The following OSBP2 variants were observed in gnomAD, a reference collection of about 807,000 sequenced individuals.
OSBP2 encodes oxysterol-binding protein 2.
OSBP2 carries 66 observed loss-of-function variants against 96.0 expected under a neutral mutation model. The observed-to-expected ratio is 0.69, with a 90% CI of 0.56 to 0.84. OSBP2 has a LOEUF of 0.84. Among genes scored for constraint, OSBP2 ranks in the 40% least tolerant of loss-of-function variants. The pLI is 0.00. For synonymous variants in OSBP2, 525 were observed against 520.9 expected (o/e 1.01, Z -0.11); for missense variants, 1,038 against 1,222.7 (o/e 0.85, Z 2.25).
intron 1 of OSBP2, 139 bp from the exon 2 acceptor site, chr22:30,741,022 C>A: frequency 1.5e-6 from 1 of 675,490 alleles, no homozygotes; most frequent in Non-Finnish European, 2.6e-6. Context: ...TTCCAATAGG[C>A]ATCATCTCCC....
chr22:30,699,692 T>C (rs889086348), intron 1 of OSBP2, among the ~76,000 whole-genome samples: 2 of 152,314 alleles, frequency 1.3e-5, no homozygotes, highest in Admixed American at 6.5e-5. Context: ...GGATTAAAAT[T>C]TCTCCTTTCA....
At chr22:30,694,183 A>G (rs1012823305), upstream of OSBP2, 76 of 1,550,248 alleles carry the variant, frequency 4.9e-5, no homozygotes, top group African/African-American at 9.2e-4. Flanking sequence ...CTTGGTTTAC[A>G]AAAAGTCTTC....
intron 1 of OSBP2, among the ~76,000 whole-genome samples, chr22:30,735,675 C>T (rs767088876): frequency 2.6e-5 from 4 of 151,942 alleles, no homozygotes; most frequent in Non-Finnish European, 5.9e-5. Flanking sequence ...ATATTAAATA[C>T]TTTTCATATT....
chr22:30,770,147 T>C (rs1225061131), intron 2 of OSBP2, among the ~76,000 whole-genome samples: 2 of 148,802 alleles, frequency 1.3e-5, no homozygotes, highest in East Asian at 3.9e-4. Flanking sequence ...TTGCCCAGGC[T>C]GGAGTACAGT....
At chr22:30,817,044 A>T (rs1432721839) in intron 2 of OSBP2, among the ~76,000 whole-genome samples, 5 of 152,200 alleles carry the variant, frequency 3.3e-5, no homozygotes, top group African/African-American at 1.2e-4. Context: ...CCCCATTTCA[A>T]TTTTCTGATC....
At chr22:30,735,547 A>G (rs1264725765) in intron 1 of OSBP2, among the ~76,000 whole-genome samples, 2 of 151,682 alleles carry the variant, frequency 1.3e-5, no homozygotes, top group Non-Finnish European at 2.9e-5. Flanking sequence ...CCTGGCCTCA[A>G]GTGATCTCCC....
At chr22:30,713,649 T>A (rs896411799) in intron 1 of OSBP2, among the ~76,000 whole-genome samples, 7 of 151,910 alleles carry the variant, frequency 4.6e-5, no homozygotes, top group African/African-American at 1.7e-4. Flanking sequence ...TTATTTTAGA[T>A]ACAGGGTCTT....
intron 2 of OSBP2, among the ~76,000 whole-genome samples, chr22:30,844,150 C>G (rs1445573449): frequency 6.6e-6 from 1 of 152,148 alleles, no homozygotes; most frequent in African/African-American, 2.4e-5. Context: ...GGTAGGATTA[C>G]AAGCATGAGC....
chr22:30,772,283 T>C (rs1191062781), intron 2 of OSBP2, among the ~76,000 whole-genome samples: 1 of 152,202 alleles, frequency 6.6e-6, no homozygotes, highest in Non-Finnish European at 1.5e-5. Flanking sequence ...CAGAAGATGG[T>C]CAGAAACACT....
intron 1 of OSBP2, among the ~76,000 whole-genome samples, chr22:30,716,067 A>C (rs1246378172): frequency 7.1e-6 from 1 of 141,570 alleles, no homozygotes; most frequent in Non-Finnish European, 1.5e-5. Context: ...TTGAGACAGA[A>C]TCTCGCTCTT....
intron 12 of OSBP2, among the ~76,000 whole-genome samples, chr22:30,900,783 G>A (rs1484787299): frequency 1.3e-5 from 2 of 152,064 alleles, no homozygotes; most frequent in Non-Finnish European, 1.5e-5. Context: ...CAGTAATATT[G>A]TTTGACTTAT....
chr22:30,846,679 C>T (rs529774544), intron 2 of OSBP2, among the ~76,000 whole-genome samples: 14 of 151,880 alleles, frequency 9.2e-5, no homozygotes, highest in Middle Eastern at 3.4e-3. Flanking sequence ...GTTTATTGAC[C>T]GAAGAAGATA....
intron 12 of OSBP2, among the ~76,000 whole-genome samples, chr22:30,897,849 CTGAGG>C (rs751017472): frequency 3.2e-4 from 49 of 151,206 alleles, no homozygotes; most frequent in Admixed American, 6.6e-4. Flanking sequence ...ACTTGGGAGG[CTGAGG>C]TAAGAGAATC....
intron 3 of OSBP2, among the ~76,000 whole-genome samples, chr22:30,876,230 T>C (rs919961885): frequency 6.6e-6 from 1 of 152,246 alleles, no homozygotes; most frequent in Admixed American, 6.5e-5. Context: ...GTCTTTCTGC[T>C]CTGGCCAGGA....
chr22:30,708,982 C>A (rs1413207819), intron 1 of OSBP2, among the ~76,000 whole-genome samples: 1 of 151,762 alleles, frequency 6.6e-6, no homozygotes, highest in South Asian at 2.1e-4. Context: ...TGCCTGTAAT[C>A]CCAGCTATTT....
intron 3 of OSBP2, among the ~76,000 whole-genome samples, chr22:30,878,806 G>A (rs1013079592): frequency 3.3e-5 from 5 of 152,190 alleles, no homozygotes; most frequent in Non-Finnish European, 7.4e-5. Context: ...TGATGGCAAG[G>A]ACATGGGAAA....
chr22:30,746,680 C>T (rs549563099), intron 2 of OSBP2, among the ~76,000 whole-genome samples: 23 of 151,658 alleles, frequency 1.5e-4, no homozygotes, highest in South Asian at 2.1e-4. Context: ...TTAGTAGAAA[C>T]GGAGTTTCAC....
intron 2 of OSBP2, among the ~76,000 whole-genome samples, chr22:30,754,085 T>C (rs995530195): frequency 1.2e-4 from 19 of 152,248 alleles, no homozygotes; most frequent in Admixed American, 7.9e-4. Context: ...CTTGAGAGAA[T>C]TACTCTGAGT....
Position 30,881,540 on chromosome 22 carries a change from T to G in OSBP2, c.1108-5886T>G. The G allele has an allele frequency of 1.7e-6, 1 of 603,774 alleles. No homozygotes were observed. The highest frequency in any genetic ancestry group is 1.8e-5 in the South Asian group (1 of 54,450). The allele number at this position is 603,774 out of a possible 1,614,324, so 37.4% of individuals were successfully genotyped here. A position where few individuals can be genotyped will look rare whatever the true frequency, so the allele number is the denominator to read the frequency against. On this transcript the variant is annotated intron_variant, in intron 3 of 13. Transcript: ENST00000332585. The surrounding 1 kb of genome is among the most constrained non-coding windows in gnomAD (Gnocchi z 4.5). ...CCCCAGGTAGAGTTGTCACACAGCCTCAGAGAAATGAGACCACGTTCAGGC... is the reference window on the plus strand; with the variant it reads ...CCCCAGGTAGAGTTGTCACACAGCCGCAGAGAAATGAGACCACGTTCAGGC...
Sources: gnomAD v4.1 joint callset for allele counts (sites outside exome capture counted in the v4.1 genomes callset) on GRCh38, gnomAD v4.1.1 for gene constraint, Gnocchi (gnomAD v3.1) non-coding constraint, MANE v1.5 for transcripts, NCBI Gene and HGNC (gene_info 2026-07-23, HGNC 2026-07-21) for gene names.